Variants in ARHGAP24 observed in about 807,000 individuals in gnomAD.
ARHGAP24 encodes rho GTPase-activating protein 24.
ARHGAP24 carries 50 observed loss-of-function variants against 76.4 expected under a neutral mutation model. That is an observed-to-expected ratio of 0.65 (90% CI 0.52 to 0.83). The LOEUF (loss-of-function observed/expected upper bound fraction) is 0.83. ARHGAP24 is among the 40% of genes least tolerant of loss of function. The pLI is 0.00. For missense variants in ARHGAP24, 930 were observed against 914.2 expected (o/e 1.02, Z -0.22); for synonymous variants, 345 against 323.3 (o/e 1.07, Z -0.72).
Position 85,721,762 on chromosome 4 carries a change from G to C in ARHGAP24, c.181-123G>C. 4.9e-6 allele frequency: 4 copies of C among 814,646 alleles called. No individual in the cohort carries two copies. The South Asian group carries it at 6.0e-5, about 12-fold the overall frequency. 50.5% of individuals were successfully genotyped at this position (814,646 alleles called of 1,614,324 possible). A position where few individuals can be genotyped will look rare whatever the true frequency, so the allele number is the denominator to read the frequency against. On this transcript the variant is annotated intron_variant, in intron 2 of 9. Coordinates refer to ENST00000395184, the MANE Select transcript of ARHGAP24 (RefSeq NM_001025616.3). The stretch of plus-strand genomic sequence containing the variant: ...ATTTTTGATTATTGGGAATATAAAA[G>C]ATTCTGATGCATCTTACTGTATACT...
intron 1 of ARHGAP24, among the ~76,000 whole-genome samples, chr4:85,545,861 C>A (rs1725902507): frequency 6.6e-6 from 1 of 152,040 alleles, no homozygotes; most frequent in African/African-American, 2.4e-5. Context: ...GTTTGATAAC[C>A]AAGCCTACTT....
intron 1 of ARHGAP24, among the ~76,000 whole-genome samples, chr4:85,497,801 C>G (rs72976485): frequency 6.6e-6 from 1 of 151,936 alleles, no homozygotes; most frequent in Non-Finnish European, 1.5e-5. Context: ...GTCTGGGTGA[C>G]AAGACCAAAA....
intron 2 of ARHGAP24, among the ~76,000 whole-genome samples, chr4:85,665,408 C>T: frequency 6.6e-6 from 1 of 152,094 alleles, no homozygotes; most frequent in Non-Finnish European, 1.5e-5. Context: ...CTATGTGTGT[C>T]TCTGCACGTG....
At chr4:85,890,738 C>G (rs968217871) in intron 3 of ARHGAP24, among the ~76,000 whole-genome samples, 1 of 152,152 alleles carries the variant, frequency 6.6e-6, no homozygotes, top group Non-Finnish European at 1.5e-5. Flanking sequence ...AGAAGCTAGA[C>G]TGTTAAGGGC....
intron 3 of ARHGAP24, among the ~76,000 whole-genome samples, chr4:85,765,443 C>G (rs1395086129): frequency 6.6e-6 from 1 of 152,016 alleles, no homozygotes; most frequent in Non-Finnish European, 1.5e-5. Context: ...TTGAAAGATT[C>G]ACTAAGGTCC....
chr4:85,655,807 A>ATATATATG (rs1722136079), intron 2 of ARHGAP24, among the ~76,000 whole-genome samples: 1 of 76,252 alleles, frequency 1.3e-5, no homozygotes, highest in African/African-American at 6.5e-5. Context: ...AGAGAGAGAG[A>ATATATATG]GAGAGAGAGA....
chr4:85,701,154 A>G (rs1276413869), intron 2 of ARHGAP24, among the ~76,000 whole-genome samples: 2 of 152,216 alleles, frequency 1.3e-5, no homozygotes, highest in Non-Finnish European at 2.9e-5. Flanking sequence ...ACTTGCTATT[A>G]TCTCTCCCTC....
At chr4:85,950,319 T>A (rs1737536078) in intron 5 of ARHGAP24, among the ~76,000 whole-genome samples, 1 of 125,424 alleles carries the variant, frequency 8.0e-6, no homozygotes, top group Admixed American at 9.0e-5. Flanking sequence ...AAAGTGAGAC[T>A]GTCTCTACAA....
chr4:85,808,275 C>T (rs939975759), intron 3 of ARHGAP24, among the ~76,000 whole-genome samples: 2 of 152,182 alleles, frequency 1.3e-5, no homozygotes, highest in African/African-American at 2.4e-5. Flanking sequence ...GGCATTCTAA[C>T]GTACTATCTA....
At chr4:85,797,462 T>C (rs368544295) in intron 3 of ARHGAP24, among the ~76,000 whole-genome samples, 16 of 152,348 alleles carry the variant, frequency 1.1e-4, no homozygotes, top group African/African-American at 3.4e-4. Flanking sequence ...CGTGAGCCAC[T>C]GCGCCCGGCC....
intron 3 of ARHGAP24, among the ~76,000 whole-genome samples, chr4:85,752,492 C>T (rs1205445753): frequency 6.6e-6 from 1 of 151,918 alleles, no homozygotes; most frequent in Non-Finnish European, 1.5e-5. Context: ...AAATACTGTT[C>T]CATATTCTGA....
rs532809449 is a variant in ARHGAP24 at position 85,900,859 on chromosome 4, C to T, written c.269-22789C>T. 7.9e-5 allele frequency among the ~76,000 whole-genome samples: 12 copies of T among 152,290 alleles called. 1 individual carries two copies. In the South Asian group the frequency reaches 2.5e-3, roughly 32 times the overall value. ...CCAAGTTCCACTCATGTTTGAACTC[C>T]ACACTGTTGACTGTTCTCTTGCAAT... On this transcript the variant is annotated intron_variant, in intron 3 of 9. Coordinates refer to ENST00000395184, the MANE Select transcript of ARHGAP24 (RefSeq NM_001025616.3).
intron 7 of ARHGAP24, among the ~76,000 whole-genome samples, chr4:85,976,021 G>A (rs1458552196): frequency 6.6e-6 from 1 of 152,154 alleles, no homozygotes; most frequent in Non-Finnish European, 1.5e-5. Context: ...TAATATGGAA[G>A]CTTATAATCC....
intron 3 of ARHGAP24, among the ~76,000 whole-genome samples, chr4:85,748,447 C>A (rs1177621161): frequency 6.6e-6 from 1 of 152,166 alleles, no homozygotes; most frequent in East Asian, 1.9e-4. Flanking sequence ...GCTTTATAGT[C>A]ACATCTTTTA....
At chr4:85,946,196 G>A (rs1246335459) in intron 5 of ARHGAP24, among the ~76,000 whole-genome samples, 2 of 152,184 alleles carry the variant, frequency 1.3e-5, no homozygotes, top group Non-Finnish European at 2.9e-5. Context: ...CCCGTGACAT[G>A]TGGGAATTGT....
At chr4:85,670,302 A>G (rs1039472249) in intron 2 of ARHGAP24, among the ~76,000 whole-genome samples, 2 of 152,160 alleles carry the variant, frequency 1.3e-5, no homozygotes. Flanking sequence ...TCTGTTTGCC[A>G]TTTATTTGAC....
intron 3 of ARHGAP24, among the ~76,000 whole-genome samples, chr4:85,870,378 T>C (rs199919495): frequency 6.6e-6 from 1 of 152,214 alleles, no homozygotes; most frequent in Non-Finnish European, 1.5e-5. Flanking sequence ...GATATGGCTG[T>C]AAAGCAGATG....
intron 1 of ARHGAP24, among the ~76,000 whole-genome samples, chr4:85,488,081 T>G (rs1578181388): frequency 6.6e-6 from 1 of 150,632 alleles, no homozygotes; most frequent in East Asian, 1.9e-4. Context: ...TAATTTTTTG[T>G]TGTGTATATT....
chr4:85,539,627 G>A (rs1165996345), intron 1 of ARHGAP24, among the ~76,000 whole-genome samples: 1 of 151,984 alleles, frequency 6.6e-6, no homozygotes, highest in Non-Finnish European at 1.5e-5. Flanking sequence ...ATACCAGGTA[G>A]TTTTACTAAA....
Sources: gnomAD v4.1 joint callset for allele counts (sites outside exome capture counted in the v4.1 genomes callset) on GRCh38, gnomAD v4.1.1 for gene constraint, MANE v1.5 for transcripts, NCBI Gene and HGNC (gene_info 2026-07-23, HGNC 2026-07-21) for gene names.